ADCY10: variants seen among roughly 807,000 people sequenced by gnomAD.
ADCY10 encodes the protein adenylate cyclase type 10.
A neutral mutation model predicts 183.3 loss-of-function variants in ADCY10; 156 were observed. The ratio of observed to expected loss-of-function variants is 0.85; its 90% CI spans 0.75 to 0.97. ADCY10 has a LOEUF of 0.97. Ranked by LOEUF, ADCY10 falls within the 50% of genes least tolerant of loss-of-function variation. The pLI, the probability that ADCY10 is intolerant of heterozygous loss-of-function variation, is 0.00. For synonymous variants in ADCY10, 645 were observed against 670.0 expected (o/e 0.96, Z 0.58); for missense variants, 1,745 against 1,934.3 (o/e 0.90, Z 1.84).
intron 9 of ADCY10, among the ~76,000 whole-genome samples, chr1:167,883,103 T>C (rs1667981684): frequency 6.6e-6 from 1 of 152,246 alleles, no homozygotes; most frequent in East Asian, 1.9e-4. Context: ...AGTGGTGCGA[T>C]CTCGGCTCAC....
intron 7 of ADCY10, 46 bp from the exon 8 acceptor site, chr1:167,893,987 C>G (rs780195197): frequency 7.3e-7 from 1 of 1,362,426 alleles, no homozygotes; most frequent in South Asian, 1.2e-5. Flanking sequence ...GGAAGTTTGG[C>G]TCTGCAGTGC....
At chr1:167,862,584 T>C (rs1417840249) in intron 14 of ADCY10, among the ~76,000 whole-genome samples, 1 of 152,184 alleles carries the variant, frequency 6.6e-6, no homozygotes, top group Non-Finnish European at 1.5e-5. Context: ...AGCCATCCAT[T>C]TGTAGTACTT....
intron 16 of ADCY10, among the ~76,000 whole-genome samples, chr1:167,856,721 T>C (rs1439594529): frequency 6.6e-6 from 1 of 152,190 alleles, no homozygotes; most frequent in Non-Finnish European, 1.5e-5. Flanking sequence ...GTTTTAGGGG[T>C]ACCCACAAAA....
rs1361800862 is a variant in ADCY10 at position 167,890,060 on chromosome 1, G to C, written c.828+3793C>G. Among the ~76,000 whole-genome samples the C allele has an allele frequency of 3.9e-5, 6 of 152,176 alleles. No individual in the cohort carries two copies. The East Asian group carries it at 9.6e-4, about 24-fold the overall frequency. ...CATATCTCTGTCTCTCCACCCTGGT[G>C]CCTTATTTAGTTCCTTTGGTGAGGT... On this transcript the variant is annotated intron_variant, in intron 8 of 32. Coordinates refer to ENST00000367851, the MANE Select transcript of ADCY10 (RefSeq NM_018417.6).
chr1:167,891,976 CT>C (rs376364252), intron 8 of ADCY10, among the ~76,000 whole-genome samples: 382 of 139,822 alleles, frequency 2.7e-3, no homozygotes, highest in Non-Finnish European at 3.2e-3. Flanking sequence ...TTTTTCTTTT[CT>C]TTTTTTTTTT....
At chr1:167,893,825 A>C in intron 8 of ADCY10, 28 bp downstream of exon 8, 1 of 1,541,218 alleles carries the variant, frequency 6.5e-7, no homozygotes, top group Non-Finnish European at 9.0e-7. Flanking sequence ...GACATCCCCA[A>C]AGCCAGTAAA....
At chr1:167,912,905 T>C (rs1362622334) in intron 1 of ADCY10, among the ~76,000 whole-genome samples, 1 of 152,242 alleles carries the variant, frequency 6.6e-6, no homozygotes, top group Non-Finnish European at 1.5e-5. Flanking sequence ...TAACTTGCTC[T>C]GGGTTATAAA....
intron 9 of ADCY10, among the ~76,000 whole-genome samples, chr1:167,882,283 G>A (rs1051711996): frequency 1.3e-5 from 2 of 152,072 alleles, no homozygotes; most frequent in Admixed American, 6.5e-5. Flanking sequence ...TCAGGAATTC[G>A]AGACCCACCT....
rs555085047 is a variant in ADCY10, at chr1:167,900,277, A to T, written c.437-649T>A. Among the ~76,000 whole-genome samples the T allele has an allele frequency of 2.0e-5, 3 of 152,266 alleles. No homozygotes were observed. In the East Asian group the frequency reaches 5.8e-4, roughly 29 times the overall value. On this transcript the variant is annotated intron_variant, in intron 5 of 32. Transcript: ENST00000367851. ...ATTTTTTATCTTCGCTCTCTGCTAT[A>T]CTGATTTGTCAGGGCTGACTCCCCC...
rs1663147795 is a variant in ADCY10 at position 167,824,689 on chromosome 1, T to G, written c.3917A>C (p.Lys1306Thr). 1 of 1,614,230 alleles carries G rather than the reference T, an allele frequency of 6.2e-7. No individual in the cohort carries two copies. ...CAAATCCAGGTGTCCCATTATGAGC[T>G]TGTTGAAGACCAGTGTCTCAGCCAC... is the stretch of plus-strand genomic sequence containing the variant. The part of the protein sequence containing the change: ...AYVAETLVFN[K>T]LIMGHLDLAI... Residue 1306 changes from lysine to threonine, a missense_variant, in exon 27 of 33, where the codon AAG (lysine) becomes ACG (threonine). Coordinates refer to ENST00000367851, the MANE Select transcript of ADCY10 (RefSeq NM_018417.6).
In ADCY10 at chr1:167,866,939, A is replaced by G. The variant is rs370500234; in HGVS notation, c.1616+3318T>C. On this transcript the variant is annotated intron_variant, in intron 14 of 32. Coordinates refer to ENST00000367851, the MANE Select transcript of ADCY10 (RefSeq NM_018417.6). Reference sequence around the variant, plus strand: ...GGCCCTGTTAGCACAAGAAGCAGATAAGCTAACTCTTAGGCAAAACCTAAA... The same window carrying G: ...GGCCCTGTTAGCACAAGAAGCAGATGAGCTAACTCTTAGGCAAAACCTAAA... 2.6e-5 allele frequency among the ~76,000 whole-genome samples: 4 copies of G among 152,186 alleles called. No individual in the cohort carries two copies. In the East Asian group the frequency reaches 7.7e-4, roughly 29 times the overall value.
At chr1:167,870,638 CAAA>C (rs58787930) in intron 13 of ADCY10, among the ~76,000 whole-genome samples, 2 of 93,742 alleles carry the variant, frequency 2.1e-5, no homozygotes, top group Non-Finnish European at 2.0e-5. Context: ...ACTGAAAATA[CAAA>C]AAAAAAAAAA....
chr1:167,818,525 C>T, intron 30 of ADCY10: 1 of 553,244 alleles, frequency 1.8e-6, no homozygotes, highest in East Asian at 4.0e-5. Context: ...CACCATTGAA[C>T]TCTTTGGCTT....
In ADCY10 at chr1:167,851,348, G is replaced by A. The variant is rs573512571; in HGVS notation, c.2309-2859C>T. Among the ~76,000 whole-genome samples, 5 of 151,940 alleles carry A rather than the reference G, an allele frequency of 3.3e-5. No individual in the cohort carries two copies. In the South Asian group the frequency reaches 6.2e-4, roughly 19 times the overall value. On this transcript the variant is annotated intron_variant, in intron 18 of 32. Coordinates refer to ENST00000367851, the MANE Select transcript of ADCY10 (RefSeq NM_018417.6). ...ACTACAGGCGTGCGACACCACACCC[G>A]GCTAATTTTTGTATTTTTAGTAGAG...
chr1:167,845,611 A>G lies in ADCY10; in HGVS notation c.2959T>C (p.Leu987=), dbSNP rs1295922736. Residue 987 remains leucine (L), a synonymous_variant, in exon 21 of 33, where the codon TTA becomes CTA. Coordinates refer to ENST00000367851, the MANE Select transcript of ADCY10 (RefSeq NM_018417.6). ...ATCTTTTTAATGGCATCCATGTCTA[A>G]AGCGTTGAGCCGAATATTCACTGTG... ...HFTVNIRLNA[L]DMDAIKKMAM... is the part of the protein sequence containing the mutation. The G allele has an allele frequency of 6.2e-7, 1 of 1,614,270 alleles. No homozygotes were observed. The highest frequency in any genetic ancestry group is 1.7e-5 in the Admixed American group (1 of 60,028).
intron 3 of ADCY10, among the ~76,000 whole-genome samples, chr1:167,903,285 C>A (rs1482085467): frequency 7.4e-5 from 11 of 148,690 alleles, no homozygotes; most frequent in Non-Finnish European, 8.9e-5. Flanking sequence ...TAAAAATAGC[C>A]GGGCACCCTG....
intron 26 of ADCY10, among the ~76,000 whole-genome samples, chr1:167,828,574 C>T (rs966876864): frequency 1.3e-5 from 2 of 152,118 alleles, no homozygotes; most frequent in African/African-American, 2.4e-5. Context: ...TAATACAATG[C>T]CACATTTCCC....
chr1:167,876,738 C>A (rs965790448), intron 12 of ADCY10, among the ~76,000 whole-genome samples: 1 of 152,252 alleles, frequency 6.6e-6, no homozygotes, highest in East Asian at 1.9e-4. Flanking sequence ...GTACCTGTAT[C>A]TGTGCCCTTT....
chr1:167,908,897 C>A (rs2102475148), intron 1 of ADCY10, among the ~76,000 whole-genome samples: 1 of 152,290 alleles, frequency 6.6e-6, no homozygotes, highest in African/African-American at 2.4e-5. Context: ...TTAGTGCTAT[C>A]TTTTAAAAAA....
Sources: allele counts gnomAD v4.1 joint callset (sites outside exome capture counted in the v4.1 genomes callset), GRCh38; gene constraint gnomAD v4.1.1; transcripts MANE v1.5; gene names NCBI Gene and HGNC (gene_info 2026-07-23, HGNC 2026-07-21).